SUSD1: variants seen among roughly 807,000 people sequenced by gnomAD.
SUSD1 encodes the protein sushi domain containing 1.
SUSD1 carries 65 observed loss-of-function variants against 86.9 expected under a neutral mutation model. The observed-to-expected ratio is 0.75, with a 90% CI of 0.61 to 0.92. The LOEUF is 0.92. Among genes scored for constraint, SUSD1 ranks in the 40% least tolerant of loss-of-function variants. The probability of loss-of-function intolerance (pLI) is 0.00; values close to 1 mark genes in which losing one functional copy is unlikely to be tolerated. For synonymous variants in SUSD1, 346 were observed against 350.0 expected (o/e 0.99, Z 0.13); for missense variants, 850 against 929.7 (o/e 0.91, Z 1.11).
intron 5 of SUSD1, among the ~76,000 whole-genome samples, chr9:112,137,321 A>T (rs1832309480): frequency 6.6e-6 from 1 of 152,144 alleles, no homozygotes; most frequent in African/African-American, 2.4e-5. Context: ...AGCAGTTATT[A>T]GAGAAGGAAA....
At chr9:112,057,003 C>G (rs538308095) in intron 14 of SUSD1, among the ~76,000 whole-genome samples, 31 of 152,286 alleles carry the variant, frequency 2.0e-4, no homozygotes, top group African/African-American at 7.5e-4. Flanking sequence ...CCCTAACCTA[C>G]AATGTGATGG....
chr9:112,057,391 A>C (rs867791597), intron 14 of SUSD1, among the ~76,000 whole-genome samples: 11 of 152,116 alleles, frequency 7.2e-5, no homozygotes, highest in Admixed American at 1.3e-4. Flanking sequence ...TCTAAATTGC[A>C]CTCATGTTGT....
Position 112,063,141 on chromosome 9 carries a change from G to A in SUSD1, c.1754-108C>T, listed in dbSNP as rs367697297. On this transcript the variant is annotated intron_variant, in intron 12 of 16. Coordinates refer to ENST00000374270, the MANE Select transcript of SUSD1 (RefSeq NM_022486.5). ...CAAAAAGAAAGTTTTAATTTCAGAAGCGAGGAGCCTATTCTGTACATGCCA... is the reference window on the plus strand; with the variant it reads ...CAAAAAGAAAGTTTTAATTTCAGAAACGAGGAGCCTATTCTGTACATGCCA... 6.5e-5 allele frequency: 42 copies of A among 649,964 alleles called. No individual in the cohort carries two copies. In the South Asian group the frequency reaches 7.2e-4, roughly 11 times the overall value. 40.3% of individuals were successfully genotyped at this position (649,964 alleles called of 1,614,324 possible).
chr9:112,148,196 G>C (rs1011392265), intron 3 of SUSD1, among the ~76,000 whole-genome samples: 7 of 152,190 alleles, frequency 4.6e-5, no homozygotes, highest in African/African-American at 1.7e-4. Context: ...CTTAGAACCA[G>C]GAGGCTTTTT....
In SUSD1 at chr9:112,041,436, T is replaced by C; in HGVS notation, c.*56A>G. On this transcript the variant is annotated 3_prime_UTR_variant, in exon 17 of 17. Transcript: ENST00000374270. Reference sequence around the variant, plus strand: ...GCCTCTGTGCGGGCACCTGAGAAGCTGCCAGAACACCTGCCCAGCAGCAGT... The same window carrying C: ...GCCTCTGTGCGGGCACCTGAGAAGCCGCCAGAACACCTGCCCAGCAGCAGT... 2.6e-6 allele frequency: 2 copies of C among 780,836 alleles called. No individual in the cohort carries two copies. Among genetic ancestry groups the C allele is most frequent in the South Asian group, 2.7e-5 (2 of 74,578 alleles). The allele number at this position is 780,836 out of a possible 1,614,324, so 48.4% of individuals were successfully genotyped here.
Position 112,077,499 on chromosome 9 carries a change from C to CTTTTTT in SUSD1, c.1753+1033_1753+1038dup, listed in dbSNP as rs869259276. Among the ~76,000 whole-genome samples the CTTTTTT allele has an allele frequency of 7.7e-4, 51 of 66,420 alleles. 3 individuals are homozygous for CTTTTTT. Among genetic ancestry groups the CTTTTTT allele is most frequent in the Non-Finnish European group, 1.1e-3 (39 of 34,930 alleles). 43.6% of individuals were successfully genotyped at this position (66,420 alleles called of 152,430 possible). On this transcript the variant is annotated intron_variant, in intron 12 of 16. Transcript: ENST00000374270. ...ATCATTGTCCCCTGATAGTAATCTACTTTTTTTTTTTTTTTTTTTTTTTTT... is the reference window on the plus strand; with the variant it reads ...ATCATTGTCCCCTGATAGTAATCTACTTTTTTTTTTTTTTTTTTTTTTTTTTTTTTT...
Position 112,052,277 on chromosome 9 carries a change from TA to T in SUSD1, c.2149+121del, listed in dbSNP as rs371960448. On this transcript the variant is annotated intron_variant, in intron 15 of 16. Transcript: ENST00000374270. ...TTTTTCAGCTATGAAGCTCTTTGCT[TA>T]AAGTAGTATGAATTGGGTTCTGGTC... 14 of 1,581,430 alleles carry T rather than the reference TA, an allele frequency of 8.9e-6. 1 individual carries two copies. In the African/African-American group the frequency reaches 1.9e-4, roughly 21 times the overall value.
intron 5 of SUSD1, among the ~76,000 whole-genome samples, chr9:112,138,252 T>TATATGTATATACACATATATATAG (rs1832382237): frequency 8.5e-6 from 1 of 118,150 alleles, no homozygotes; most frequent in African/African-American, 3.5e-5. Flanking sequence ...TATATATATA[T>TATATGTATATACACATATATATAG]ATATGTGTAT....
chr9:112,041,773 C>T, intron 16 of SUSD1, 94 bp downstream of exon 16: 1 of 1,258,790 alleles, frequency 7.9e-7, no homozygotes, highest in Non-Finnish European at 1.1e-6. Context: ...ACCCACACTC[C>T]CTTTGACTCC....
At chr9:112,079,281 G>T (rs948225499) in intron 11 of SUSD1, among the ~76,000 whole-genome samples, 3 of 152,012 alleles carry the variant, frequency 2.0e-5, no homozygotes, top group Non-Finnish European at 2.9e-5. Context: ...ACACACAAAA[G>T]GCTAAGGTCC....
rs1828563844 is a variant in SUSD1 at position 112,058,660 on chromosome 9, A to G, written c.1877T>C (p.Leu626Pro). ...ACAAGAAAATGTGCTTTGGAGGGCC[A>G]GGGGAAGCACTAACACCTGATATGA... ...ISSYQVLVLP[L>P]ALQSTFSCDS... The change falls in exon 14 of 17, where the codon CTG becomes CCG. Residue 626 changes from leucine to proline, a missense_variant. Transcript: ENST00000374270. The G allele has an allele frequency of 6.2e-7, 1 of 1,614,134 alleles. No individual in the cohort carries two copies. Among genetic ancestry groups the G allele is most frequent in the African/African-American group, 1.3e-5 (1 of 74,954 alleles).
intron 2 of SUSD1, among the ~76,000 whole-genome samples, chr9:112,153,450 C>T (rs535509803): frequency 1.3e-5 from 2 of 152,132 alleles, no homozygotes; most frequent in African/African-American, 4.8e-5. Flanking sequence ...ACAATGCTTT[C>T]TTCTGCAATA....
intron 10 of SUSD1, among the ~76,000 whole-genome samples, chr9:112,083,577 AG>A (rs1363648839): frequency 1.3e-5 from 2 of 152,220 alleles, no homozygotes; most frequent in Non-Finnish European, 2.9e-5. Flanking sequence ...TGATTGAAAA[AG>A]CTTTTACAGA....
chr9:112,088,593 C>T (rs1830076654), intron 10 of SUSD1, among the ~76,000 whole-genome samples: 1 of 151,962 alleles, frequency 6.6e-6, no homozygotes, highest in Non-Finnish European at 1.5e-5. Context: ...TCAGGACTAG[C>T]CTGGGCAATA....
chr9:112,042,693 A>G (rs1442630111), intron 15 of SUSD1, among the ~76,000 whole-genome samples: 1 of 152,242 alleles, frequency 6.6e-6, no homozygotes, highest in Non-Finnish European at 1.5e-5. Context: ...ACTATGTGCC[A>G]GACACTGTTC....
At chr9:112,080,568 G>A (rs1342984138) in intron 10 of SUSD1, among the ~76,000 whole-genome samples, 1 of 151,908 alleles carries the variant, frequency 6.6e-6, no homozygotes, top group Non-Finnish European at 1.5e-5. Flanking sequence ...TGTGCCTGTA[G>A]TCCCAGCTAC....
chr9:112,149,689 C>G (rs548751531), intron 2 of SUSD1, among the ~76,000 whole-genome samples: 1 of 152,264 alleles, frequency 6.6e-6, no homozygotes, highest in South Asian at 2.1e-4. Context: ...TGAACTTTTC[C>G]AAGCTTAAAA....
chr9:112,136,655 C>A (rs548078868), intron 5 of SUSD1, among the ~76,000 whole-genome samples: 1 of 152,348 alleles, frequency 6.6e-6, no homozygotes, highest in East Asian at 1.9e-4. Context: ...TCAATCACAG[C>A]ATTCACCTGT....
intron 8 of SUSD1, 46 bp downstream of exon 8, chr9:112,111,608 G>A: frequency 6.3e-7 from 1 of 1,591,508 alleles, no homozygotes; most frequent in Non-Finnish European, 8.6e-7. Context: ...CCCACATTCT[G>A]TGCTTAGCAT....
Sources: gnomAD v4.1 joint callset for allele counts (sites outside exome capture counted in the v4.1 genomes callset) on GRCh38, gnomAD v4.1.1 for gene constraint, MANE v1.5 for transcripts, NCBI Gene and HGNC (gene_info 2026-07-23, HGNC 2026-07-21) for gene names.